Variants in RBL1 observed in about 807,000 individuals in gnomAD.
RBL1 encodes the protein RB transcriptional corepressor like 1.
Under a neutral mutation model 123.0 loss-of-function variants are expected in RBL1, and 82 were observed. That is an observed-to-expected ratio of 0.67 (90% CI 0.56 to 0.80). RBL1 has a LOEUF of 0.80. RBL1 is among the 30% of genes least tolerant of loss of function. RBL1 has a pLI of 0.00. For synonymous variants in RBL1, 405 were observed against 441.3 expected, an observed-to-expected ratio of 0.92 and a Z score of 1.03; for missense variants, 1,171 against 1,299.6, an observed-to-expected ratio of 0.90 and a Z score of 1.52.
chr20:37,003,678 C>A, intron 21 of RBL1, 24 bp downstream of exon 21: 1 of 1,547,182 alleles, frequency 6.5e-7, no homozygotes, highest in Non-Finnish European at 8.7e-7. Flanking sequence ...ATCTGAAATC[C>A]AACTTTTAGC....
chr20:37,044,387 G>A, intron 12 of RBL1, 137 bp from the exon 13 acceptor site: 1 of 789,478 alleles, frequency 1.3e-6, no homozygotes, highest in Non-Finnish European at 1.9e-6. Context: ...GCCCAGGCTG[G>A]AGTACAGTGG....
At chr20:37,037,852 A>T (rs974482178) in intron 14 of RBL1, among the ~76,000 whole-genome samples, 1 of 151,852 alleles carries the variant, frequency 6.6e-6, no homozygotes, top group African/African-American at 2.4e-5. Flanking sequence ...ATGCTTGCCT[A>T]ATTTTTTGTA....
At chr20:37,028,980 C>A (rs1312863714) in intron 16 of RBL1, among the ~76,000 whole-genome samples, 8 of 152,094 alleles carry the variant, frequency 5.3e-5, no homozygotes, top group African/African-American at 1.9e-4. Flanking sequence ...ACAAATTCAA[C>A]AGCATATGAA....
Position 36,998,855 on chromosome 20 carries a change from A to T in RBL1, c.3111T>A (p.Ser1037Arg). 6.2e-7 allele frequency: 1 copy of T among 1,613,310 alleles called. No homozygotes were observed. Among genetic ancestry groups the T allele is most frequent in the Non-Finnish European group, 8.5e-7 (1 of 1,179,354 alleles). The change falls in exon 22 of 22, where the codon AGT (serine) becomes AGA (arginine). Residue 1037 changes from serine (S) to arginine (R), a missense_variant. Physicochemically the swap from Ser to Arg is moderately radical, Grantham distance 110. Coordinates refer to ENST00000373664, the MANE Select transcript of RBL1 (RefSeq NM_002895.5). ...RTKKRVIAID[S>R]DAESPAKRVC... is the part of the protein sequence containing the mutation. Reference sequence around the variant, plus strand: ...CGCGTTTGGCAGGGGATTCTGCATCACTATCGATGGCTATTACTCGCTTCT... The same window carrying T: ...CGCGTTTGGCAGGGGATTCTGCATCTCTATCGATGGCTATTACTCGCTTCT...
In RBL1 at chr20:37,074,042, C is replaced by T. The variant is rs879713074; in HGVS notation, c.291-5856G>A. Among the ~76,000 whole-genome samples the T allele has an allele frequency of 6.6e-5, 10 of 152,008 alleles. No individual in the cohort carries two copies. In the East Asian group the frequency reaches 1.2e-3, roughly 18 times the overall value. On this transcript the variant is annotated intron_variant, in intron 2 of 21. Coordinates refer to ENST00000373664, the MANE Select transcript of RBL1 (RefSeq NM_002895.5). Reference sequence around the variant, plus strand: ...AGGAGAATGGCGTGAACCCAGGAGGCGGAGCTTGCAGTGAGCTGAGATCGC... The same window carrying T: ...AGGAGAATGGCGTGAACCCAGGAGGTGGAGCTTGCAGTGAGCTGAGATCGC...
intron 2 of RBL1, among the ~76,000 whole-genome samples, chr20:37,071,857 C>T (rs1246631876): frequency 1.3e-5 from 2 of 152,128 alleles, no homozygotes; most frequent in African/African-American, 4.8e-5. Flanking sequence ...GTGCCTCCTC[C>T]CCCTTCACCT....
chr20:37,091,071 G>A (rs747642840), intron 1 of RBL1, among the ~76,000 whole-genome samples: 22 of 152,216 alleles, frequency 1.4e-4, no homozygotes, highest in Non-Finnish European at 2.5e-4. Context: ...TAAGAATTAC[G>A]GATAGGCCGG....
chr20:37,031,602 G>A (rs2064512875), intron 16 of RBL1, among the ~76,000 whole-genome samples: 1 of 152,238 alleles, frequency 6.6e-6, no homozygotes, highest in Non-Finnish European at 1.5e-5. Flanking sequence ...TGCCTTGCTA[G>A]TGGTAATGTA....
At chr20:37,055,309 G>A (rs1185361630) in intron 11 of RBL1, among the ~76,000 whole-genome samples, 80 of 83,898 alleles carry the variant, frequency 9.5e-4, no homozygotes, top group Admixed American at 1.3e-3. Context: ...ATGAAGGACA[G>A]AAAAAAAAAA....
intron 20 of RBL1, among the ~76,000 whole-genome samples, chr20:37,006,596 T>C (rs1053932342): frequency 2.0e-5 from 3 of 150,412 alleles, no homozygotes; most frequent in Admixed American, 6.6e-5. Flanking sequence ...ATCCCAGCAC[T>C]CTGGGAGGCC....
intron 19 of RBL1, among the ~76,000 whole-genome samples, chr20:37,013,645 G>T (rs2064202640): frequency 1.3e-5 from 2 of 150,548 alleles, no homozygotes; most frequent in South Asian, 4.2e-4. Flanking sequence ...AGGGATGAAA[G>T]ATCCAGTGAA....
intron 13 of RBL1, 85 bp from the exon 14 acceptor site, chr20:37,040,370 G>T (rs1324566257): frequency 6.6e-7 from 1 of 1,521,178 alleles, no homozygotes; most frequent in African/African-American, 1.4e-5. Context: ...TTCTTTTTTT[G>T]AGATAAAGTC....
intron 2 of RBL1, chr20:37,081,758 A>G (rs1258224714): frequency 3.5e-6 from 1 of 284,914 alleles, no homozygotes; most frequent in African/African-American, 2.3e-5. Flanking sequence ...TAAAATAACC[A>G]GTGTCTATGA....
chr20:37,067,766 C>CAAAAAAA (rs1168742059), intron 3 of RBL1, among the ~76,000 whole-genome samples: 33 of 62,680 alleles, frequency 5.3e-4, no homozygotes, highest in East Asian at 7.9e-4. Context: ...TGAGACTCCT[C>CAAAAAAA]AAAAAAAAAA....
At chr20:37,033,116 C>G (rs1466948518) in intron 15 of RBL1, among the ~76,000 whole-genome samples, 1 of 149,364 alleles carries the variant, frequency 6.7e-6, no homozygotes, top group African/African-American at 2.5e-5. Flanking sequence ...CTCCTGGGCT[C>G]AAGTGATCCT....
At chr20:37,046,758 G>A (rs548745293) in intron 12 of RBL1, among the ~76,000 whole-genome samples, 4 of 151,892 alleles carry the variant, frequency 2.6e-5, no homozygotes, top group Admixed American at 2.0e-4. Flanking sequence ...ACAGGTGCTC[G>A]CCACAATGCC....
Position 36,998,892 on chromosome 20 carries a change from TCA to T in RBL1, c.3072_3073del (p.Glu1025AlafsTer12). 2.5e-6 allele frequency: 4 copies of T among 1,613,726 alleles called. No homozygotes were observed. Among genetic ancestry groups the T allele is most frequent in the Non-Finnish European group, 2.5e-6 (3 of 1,179,810 alleles). On this transcript the variant is annotated frameshift_variant, in exon 22 of 22. Transcript: ENST00000373664. LOFTEE classifies it high-confidence loss of function. ...TATTACTCGCTTCTTGGTTCTCTGC[TCA>T]CCTTGCCTTATCATGTTGTTGATAT... is the stretch of plus-strand genomic sequence containing the variant.
intron 8 of RBL1, 86 bp from the exon 9 acceptor site, chr20:37,061,355 T>C: frequency 6.9e-7 from 1 of 1,449,176 alleles, no homozygotes. Context: ...CCATCTTCTC[T>C]ATTCATATTT....
intron 2 of RBL1, among the ~76,000 whole-genome samples, chr20:37,088,617 G>A (rs1305193729): frequency 1.3e-5 from 2 of 151,928 alleles, no homozygotes; most frequent in South Asian, 4.2e-4. Flanking sequence ...CACTTTGGGA[G>A]GTTGAGGTGG....
Sources: gnomAD v4.1 joint callset for allele counts (sites outside exome capture counted in the v4.1 genomes callset) on GRCh38, gnomAD v4.1.1 for gene constraint, MANE v1.5 for transcripts, NCBI Gene and HGNC (gene_info 2026-07-23, HGNC 2026-07-21) for gene names.